ELAPOR2: variants seen among roughly 807,000 people sequenced by gnomAD.
ELAPOR2 encodes the protein endosome-lysosome associated apoptosis and autophagy regulator family member 2, also known as endosome/lysosome-associated apoptosis and autophagy regulator family member 2.
Under a neutral mutation model 120.7 loss-of-function variants are expected in ELAPOR2, and 89 were observed. The ratio of observed to expected loss-of-function variants is 0.74; its 90% CI spans 0.62 to 0.88. The LOEUF (loss-of-function observed/expected upper bound fraction) is 0.88. ELAPOR2 is among the 40% of genes least tolerant of loss of function. ELAPOR2 has a pLI of 0.00. For synonymous variants in ELAPOR2, 444 were observed against 444.9 expected, an observed-to-expected ratio of 1.00 and a Z score of 0.03; for missense variants, 1,134 against 1,251.6, an observed-to-expected ratio of 0.91 and a Z score of 1.42.
intron 21 of ELAPOR2, among the ~76,000 whole-genome samples, chr7:86,887,501 C>G (rs927332847): frequency 1.3e-5 from 2 of 152,006 alleles, no homozygotes; most frequent in Non-Finnish European, 2.9e-5. Flanking sequence ...TGTTGCTATT[C>G]CAGTCTGATC....
rs763287069 is a variant in ELAPOR2, at chr7:86,877,101, G to A, written c.*3370C>T. On this transcript the variant is annotated 3_prime_UTR_variant, in exon 22 of 22. Transcript: ENST00000450689. Reference sequence around the variant, plus strand: ...TTGCTGGGCTCTGATCTAGACAAGTGTAATCATAATAGCGAATAATATCAA... The same window carrying A: ...TTGCTGGGCTCTGATCTAGACAAGTATAATCATAATAGCGAATAATATCAA... 2.0e-5 allele frequency: 3 copies of A among 152,106 alleles called. No homozygotes were observed. The highest frequency in any genetic ancestry group is 6.6e-5 in the Admixed American group (1 of 15,260). The allele number at this position is 152,106 out of a possible 1,614,324, so 9.4% of individuals were successfully genotyped here. A position where few individuals can be genotyped will look rare whatever the true frequency, so the allele number is the denominator to read the frequency against.
chr7:86,975,292 T>C (rs909429785), intron 1 of ELAPOR2, among the ~76,000 whole-genome samples: 2 of 152,190 alleles, frequency 1.3e-5, no homozygotes, highest in Non-Finnish European at 2.9e-5. Flanking sequence ...AGAAATAGTA[T>C]AAGTGATAAA....
At chr7:86,964,253 TAAATTAAC>T (rs2116479465) in intron 2 of ELAPOR2, among the ~76,000 whole-genome samples, 2 of 140,014 alleles carry the variant, frequency 1.4e-5, no homozygotes, top group African/African-American at 6.2e-5. Context: ...CTAAATTAAC[TAAATTAAC>T]GATTTTAAAA....
At chr7:87,014,020 T>A (rs1793782895) in intron 1 of ELAPOR2, among the ~76,000 whole-genome samples, 2 of 142,544 alleles carry the variant, frequency 1.4e-5, no homozygotes, top group Non-Finnish European at 1.5e-5. Flanking sequence ...TCGTGCCATG[T>A]TTTTCACTTT....
At chr7:87,018,029 CTTTTGT>C (rs752870746) in intron 1 of ELAPOR2, among the ~76,000 whole-genome samples, 83 of 152,158 alleles carry the variant, frequency 5.5e-4, no homozygotes, top group Non-Finnish European at 1.0e-3. Flanking sequence ...AAAGTCACTT[CTTTTGT>C]TTTTGTTTTT....
chr7:86,984,669 G>A lies in ELAPOR2; in HGVS notation c.190-19645C>T, dbSNP rs532223890. ...AAAGACACAATGTACCAGTATCTCT[G>A]GGACACATTTAAAGCAGTGCGTAGA... On this transcript the variant is annotated intron_variant, in intron 1 of 21. Transcript: ENST00000450689. 4.6e-5 allele frequency among the ~76,000 whole-genome samples: 7 copies of A among 152,270 alleles called. No individual in the cohort carries two copies. The South Asian group carries it at 1.4e-3, about 32-fold the overall frequency.
At chr7:86,980,838 A>C (rs1027197245) in intron 1 of ELAPOR2, among the ~76,000 whole-genome samples, 3 of 152,126 alleles carry the variant, frequency 2.0e-5, no homozygotes, top group African/African-American at 7.2e-5. Flanking sequence ...CCCCTCAACA[A>C]ATAAATGATT....
At chr7:86,990,783 T>C (rs748085828) in intron 1 of ELAPOR2, among the ~76,000 whole-genome samples, 3 of 152,222 alleles carry the variant, frequency 2.0e-5, no homozygotes, top group Admixed American at 1.3e-4. Context: ...CTTAAACTTA[T>C]ACAGTTTGTG....
intron 2 of ELAPOR2, among the ~76,000 whole-genome samples, chr7:86,957,694 T>C (rs754249462): frequency 6.6e-6 from 1 of 152,140 alleles, no homozygotes; most frequent in East Asian, 1.9e-4. Flanking sequence ...TTGAAAAATA[T>C]AGACAATTAA....
At chr7:86,901,472 T>C (rs147773650) in intron 18 of ELAPOR2, among the ~76,000 whole-genome samples, 1 of 152,254 alleles carries the variant, frequency 6.6e-6, no homozygotes, top group Non-Finnish European at 1.5e-5. Flanking sequence ...TGGAGAAGAA[T>C]CTTTTCTTAT....
In ELAPOR2 at chr7:86,942,092, G is replaced by T. The variant is rs1227873414; in HGVS notation, c.667C>A (p.Gln223Lys). The change falls in exon 5 of 22, where the codon CAG (glutamine) becomes AAG (lysine). Residue 223 changes from glutamine (Q) to lysine (K), a missense_variant. Gln to Lys is a moderately conservative substitution (Grantham distance 53, BLOSUM62 1). This residue lies in a region of ELAPOR2 where 280 missense variants were observed against 331.5 expected (regional missense o/e 0.84). Coordinates refer to ENST00000450689, the MANE Select transcript of ELAPOR2 (RefSeq NM_001142749.3). Reference protein sequence around the residue: ...IFFEFFIQNDQCQEMDTTTDK... With the variant: ...IFFEFFIQNDKCQEMDTTTDK... Reference sequence around the variant, plus strand: ...GTGGTGGTGTCCATCTCCTGGCACTGATCATTTTGAATCTGTGGATTAAAC... The same window carrying T: ...GTGGTGGTGTCCATCTCCTGGCACTTATCATTTTGAATCTGTGGATTAAAC... The T allele has an allele frequency of 6.5e-7, 1 of 1,545,382 alleles. No individual in the cohort carries two copies.
At chr7:86,898,720 T>C (rs1412276366) in intron 18 of ELAPOR2, among the ~76,000 whole-genome samples, 1 of 152,140 alleles carries the variant, frequency 6.6e-6, no homozygotes, top group Admixed American at 6.6e-5. Context: ...GGCAGGAAAT[T>C]ACATGTGGGT....
At chr7:86,990,203 C>G (rs946191731) in intron 1 of ELAPOR2, among the ~76,000 whole-genome samples, 2 of 152,184 alleles carry the variant, frequency 1.3e-5, no homozygotes, top group Non-Finnish European at 2.9e-5. Flanking sequence ...CCTGCCACCA[C>G]GCCCAGCTAA....
At chr7:86,895,429 T>TTCCAAAAC (rs1353813199) in intron 19 of ELAPOR2, among the ~76,000 whole-genome samples, 5 of 152,106 alleles carry the variant, frequency 3.3e-5, no homozygotes, top group Non-Finnish European at 4.4e-5. Context: ...GGACAAATAT[T>TTCCAAAAC]TCCAAAACTG....
chr7:87,005,060 C>G (rs539711198), intron 1 of ELAPOR2, among the ~76,000 whole-genome samples: 37 of 152,152 alleles, frequency 2.4e-4, no homozygotes, highest in Middle Eastern at 3.4e-3. Context: ...CCCATTATGG[C>G]AAACTTTGGT....
intron 8 of ELAPOR2, among the ~76,000 whole-genome samples, chr7:86,936,719 C>T (rs934341777): frequency 6.6e-6 from 1 of 152,032 alleles, no homozygotes; most frequent in Non-Finnish European, 1.5e-5. Context: ...TGCATATGTG[C>T]GTATTCTGCA....
chr7:86,884,058 T>C (rs909197155), intron 21 of ELAPOR2, among the ~76,000 whole-genome samples: 1 of 152,204 alleles, frequency 6.6e-6, no homozygotes, highest in African/African-American at 2.4e-5. Context: ...AAAATTTGTA[T>C]GGTGGGCATA....
chr7:86,949,662 C>G lies in ELAPOR2; in HGVS notation c.311-1740G>C, dbSNP rs369214249. Among the ~76,000 whole-genome samples the G allele has an allele frequency of 2.0e-5, 3 of 152,190 alleles. No homozygotes were observed. The East Asian group carries it at 5.8e-4, about 29-fold the overall frequency. The stretch of plus-strand genomic sequence containing the variant: ...GAGACGTCTGCTCCCCCTGCCTGGC[C>G]TCTCCCCACTCCTGGCACCCCTTCC... On this transcript the variant is annotated intron_variant, in intron 2 of 21. Coordinates refer to ENST00000450689, the MANE Select transcript of ELAPOR2 (RefSeq NM_001142749.3).
chr7:87,027,777 C>T (rs1316119226), intron 1 of ELAPOR2, among the ~76,000 whole-genome samples: 1 of 152,114 alleles, frequency 6.6e-6, no homozygotes, highest in African/African-American at 2.4e-5. Flanking sequence ...TGATTTTGGA[C>T]TTCTAGCTTG....
Sources: gnomAD v4.1 joint callset for allele counts (sites outside exome capture counted in the v4.1 genomes callset) on GRCh38, gnomAD v4.1.1 for gene constraint, gnomAD v4.1.1 regional missense constraint, MANE v1.5 for transcripts, NCBI Gene and HGNC (gene_info 2026-07-23, HGNC 2026-07-21) for gene names.